CREB5: variants seen among roughly 807,000 people sequenced by gnomAD.
CREB5 encodes cAMP responsive element binding protein 5.
Under a neutral mutation model 57.1 loss-of-function variants are expected in CREB5, and 19 were observed. The observed-to-expected ratio is 0.33, with a 90% CI of 0.23 to 0.49. CREB5 has a LOEUF of 0.49. CREB5 is among the 20% of genes least tolerant of loss of function. The probability of loss-of-function intolerance (pLI) is 0.99; values close to 1 mark genes in which losing one functional copy is unlikely to be tolerated. For missense variants in CREB5, 579 were observed against 671.6 expected (o/e 0.86, Z 1.52); for synonymous variants, 238 against 238.3 (o/e 1.00, Z 0.01).
At chr7:28,537,376 A>T (rs1794006534) in intron 4 of CREB5, among the ~76,000 whole-genome samples, 2 of 104,138 alleles carry the variant, frequency 1.9e-5, no homozygotes, top group Admixed American at 9.8e-5. Flanking sequence ...ATGCACTTAA[A>T]GCCTTTTTTT....
intron 4 of CREB5, among the ~76,000 whole-genome samples, chr7:28,568,558 T>G (rs1795571226): frequency 6.6e-6 from 1 of 152,220 alleles, no homozygotes. Flanking sequence ...CTGCCACCAA[T>G]GCACATTGCC....
intron 8 of CREB5, 45 bp from the exon 9 acceptor site, chr7:28,809,142 C>A: frequency 6.5e-7 from 1 of 1,536,662 alleles, no homozygotes; most frequent in Non-Finnish European, 8.8e-7. Flanking sequence ...TACCTAACCA[C>A]GTCCTTCCCT....
chr7:28,582,372 GA>G (rs1274077779), intron 5 of CREB5, among the ~76,000 whole-genome samples: 1 of 152,150 alleles, frequency 6.6e-6, no homozygotes, highest in Non-Finnish European at 1.5e-5. Flanking sequence ...CCTTCACGGG[GA>G]ACCACATTTT....
chr7:28,576,816 C>A (rs78703972), intron 5 of CREB5, among the ~76,000 whole-genome samples: 54 of 152,312 alleles, frequency 3.5e-4, no homozygotes, highest in African/African-American at 1.2e-3. Flanking sequence ...CTACACAGAA[C>A]CTGGCCCTCA....
chr7:28,562,944 G>A (rs1226959884), intron 4 of CREB5, among the ~76,000 whole-genome samples: 5 of 152,174 alleles, frequency 3.3e-5, no homozygotes, highest in Non-Finnish European at 7.3e-5. Context: ...AAGCAGCAGG[G>A]CTTAGTGGTG....
intron 1 of CREB5, among the ~76,000 whole-genome samples, chr7:28,311,900 GC>G (rs138963542): frequency 7.9e-4 from 121 of 152,270 alleles, no homozygotes; most frequent in African/African-American, 2.9e-3. Flanking sequence ...CGGTCTCCCT[GC>G]GCTGGTGTGG....
At chr7:28,380,213 A>G (rs1354731637) in intron 1 of CREB5, among the ~76,000 whole-genome samples, 1 of 152,218 alleles carries the variant, frequency 6.6e-6, no homozygotes, top group African/African-American at 2.4e-5. Context: ...CTCTACAGCC[A>G]TAGGTAAGTT....
At chr7:28,768,972 G>A (rs1371538375) in intron 7 of CREB5, among the ~76,000 whole-genome samples, 1 of 152,190 alleles carries the variant, frequency 6.6e-6, no homozygotes, top group African/African-American at 2.4e-5. Flanking sequence ...AGACCATTCA[G>A]AAAACTCTGT....
At chr7:28,505,902 G>A (rs988601541) in intron 3 of CREB5, among the ~76,000 whole-genome samples, 1 of 152,154 alleles carries the variant, frequency 6.6e-6, no homozygotes, top group Non-Finnish European at 1.5e-5. Flanking sequence ...GTGTATATGT[G>A]TGCCTCTTAA....
intron 4 of CREB5, among the ~76,000 whole-genome samples, chr7:28,561,695 T>G (rs1458554702): frequency 6.6e-6 from 1 of 152,214 alleles, no homozygotes; most frequent in African/African-American, 2.4e-5. Context: ...GCACTGGTTA[T>G]TTTCAGGTGA....
Position 28,357,622 on chromosome 7 carries a change from A to G in CREB5, c.-25+58181A>G, listed in dbSNP as rs765840670. Among the ~76,000 whole-genome samples the G allele has an allele frequency of 3.3e-5, 5 of 152,294 alleles. No homozygotes were observed. In the South Asian group the frequency reaches 1.0e-3, roughly 32 times the overall value. ...CTTTTCCTTTTCCTGCTAGGCTTTTATCTCTCTGCTTTAGAGATGCGTGAC... is the reference window on the plus strand; with the variant it reads ...CTTTTCCTTTTCCTGCTAGGCTTTTGTCTCTCTGCTTTAGAGATGCGTGAC... On this transcript the variant is annotated intron_variant, in intron 1 of 9. Coordinates refer to the CREB5 transcript ENST00000396299.
intron 3 of CREB5, among the ~76,000 whole-genome samples, chr7:28,504,594 A>G (rs1792401257): frequency 6.6e-6 from 1 of 152,182 alleles, no homozygotes; most frequent in Non-Finnish European, 1.5e-5. Flanking sequence ...CTCAAACCAA[A>G]CTAAAAACAA....
intron 5 of CREB5, among the ~76,000 whole-genome samples, chr7:28,590,400 C>A (rs927441393): frequency 6.6e-6 from 1 of 151,232 alleles, no homozygotes; most frequent in African/African-American, 2.4e-5. Flanking sequence ...AAGCTGGAAA[C>A]CATCATTCTC....
intron 1 of CREB5, among the ~76,000 whole-genome samples, chr7:28,425,931 C>G (rs1788494201): frequency 6.6e-6 from 1 of 152,170 alleles, no homozygotes; most frequent in South Asian, 2.1e-4. Context: ...CAGTTCTTCT[C>G]CTGACACACC....
At position 28,646,258 on chromosome 7, in the gene CREB5, C is replaced by T. The variant is rs117138637; in HGVS notation, c.465-72495C>T. The stretch of plus-strand genomic sequence containing the variant: ...TAAAATTTCCTCTTCAGTGAGAAAT[C>T]CTCCCACTCTTATTTTTCCATGAGC... On this transcript the variant is annotated intron_variant, in intron 5 of 10. Transcript: ENST00000357727. Among the ~76,000 whole-genome samples the T allele has an allele frequency of 5.1e-3, 776 of 152,204 alleles. 7 individuals carry two copies. Among genetic ancestry groups the T allele is most frequent in the Non-Finnish European group, 6.9e-3 (472 of 68,012 alleles).
intron 1 of CREB5, among the ~76,000 whole-genome samples, chr7:28,473,196 C>G (rs1790901950): frequency 6.6e-6 from 1 of 152,052 alleles, no homozygotes; most frequent in South Asian, 2.1e-4. Context: ...GTGGTGCATA[C>G]CTATGGTCCC....
rs1562798364 is a variant in CREB5, at chr7:28,560,996, C to CG, written c.292-9369_292-9368insG. Among the ~76,000 whole-genome samples, 31 of 42,338 alleles carry CG rather than the reference C, an allele frequency of 7.3e-4. 2 individuals are homozygous for CG. Among genetic ancestry groups the CG allele is most frequent in the South Asian group, 1.9e-3 (2 of 1,038 alleles). The allele number at this position is 42,338 out of a possible 152,430, so 27.8% of individuals were successfully genotyped here. ...TGCGTGTGTGCGTGCGTGTGTGTGC[C>CG]TGCGTGTGCGTGTGTGTGTGCGTGT... is the stretch of plus-strand genomic sequence containing the variant. On this transcript the variant is annotated intron_variant, in intron 4 of 10. Coordinates refer to ENST00000357727, the MANE Select transcript of CREB5 (RefSeq NM_182898.4).
intron 5 of CREB5, among the ~76,000 whole-genome samples, chr7:28,647,168 G>A (rs1562547770): frequency 6.6e-6 from 1 of 151,338 alleles, no homozygotes; most frequent in Non-Finnish European, 1.5e-5. Flanking sequence ...GACCAGCAGT[G>A]ATGGTGGCCA....
At chr7:28,787,683 T>C (rs1807414116) in intron 7 of CREB5, among the ~76,000 whole-genome samples, 2 of 152,292 alleles carry the variant, frequency 1.3e-5, no homozygotes, top group South Asian at 4.1e-4. Context: ...GCTTCCTGAG[T>C]AGCTTGGACT....
Sources: gnomAD v4.1 joint callset for allele counts (sites outside exome capture counted in the v4.1 genomes callset) on GRCh38, gnomAD v4.1.1 for gene constraint, MANE v1.5 for transcripts, NCBI Gene and HGNC (gene_info 2026-07-23, HGNC 2026-07-21) for gene names.